CACNA2D1: variants seen among roughly 807,000 people sequenced by gnomAD.
CACNA2D1 encodes the protein calcium voltage-gated channel auxiliary subunit alpha2delta 1.
A neutral mutation model predicts 171.5 loss-of-function variants in CACNA2D1; 53 were observed. That is an observed-to-expected ratio of 0.31 (90% CI 0.25 to 0.39). The LOEUF (loss-of-function observed/expected upper bound fraction) is 0.39, where lower values mean the gene tolerates loss of function less well. Ranked by LOEUF, CACNA2D1 falls within the 10% of genes least tolerant of loss-of-function variation. The pLI is 1.00. For missense variants in CACNA2D1, 903 were observed against 1,299.8 expected, an observed-to-expected ratio of 0.69 and a Z score of 4.69; for synonymous variants, 442 against 443.1, an observed-to-expected ratio of 1.00 and a Z score of 0.03.
At chr7:82,313,257 G>A (rs1016164142) in intron 3 of CACNA2D1, among the ~76,000 whole-genome samples, 2 of 152,098 alleles carry the variant, frequency 1.3e-5, no homozygotes, top group South Asian at 2.1e-4. Context: ...TTTCAAGTGG[G>A]AGACTAAAGG....
In CACNA2D1 at chr7:82,012,254, G is replaced by GAAAAAAAAAA. The variant is rs4019047; in HGVS notation, c.1273-21_1273-12dup. On this transcript the variant is annotated splice_polypyrimidine_tract_variant and intron_variant, in intron 14 of 38. Coordinates refer to ENST00000356860, the MANE Select transcript of CACNA2D1 (RefSeq NM_000722.4). ...AACATCCAAATATTCCTGTTTATGG[G>GAAAAAAAAAA]AAAAAAAAAAAAAGTCGTGGTTAAA... is the stretch of plus-strand genomic sequence containing the variant. 8.2e-7 allele frequency: 1 copy of GAAAAAAAAAA among 1,223,358 alleles called. No individual in the cohort carries two copies. Among genetic ancestry groups the GAAAAAAAAAA allele is most frequent in the Non-Finnish European group, 1.2e-6 (1 of 854,938 alleles). 75.8% of individuals were successfully genotyped at this position (1,223,358 alleles called of 1,614,324 possible). A position where few individuals can be genotyped will look rare whatever the true frequency, so the allele number is the denominator to read the frequency against.
At chr7:82,094,058 T>C (rs996218105) in intron 6 of CACNA2D1, among the ~76,000 whole-genome samples, 6 of 152,084 alleles carry the variant, frequency 3.9e-5, no homozygotes, top group Admixed American at 3.3e-4. Context: ...AAGGGTGATA[T>C]TGTCAATGAG....
At chr7:82,350,776 T>C (rs1277760664) in intron 1 of CACNA2D1, among the ~76,000 whole-genome samples, 7 of 152,244 alleles carry the variant, frequency 4.6e-5, no homozygotes, top group Non-Finnish European at 7.3e-5. Context: ...TTGGAATTAC[T>C]AGATCCAAAT....
At chr7:82,040,605 T>C (rs1392022808) in intron 10 of CACNA2D1, among the ~76,000 whole-genome samples, 1 of 151,940 alleles carries the variant, frequency 6.6e-6, no homozygotes, top group African/African-American at 2.4e-5. Context: ...AATCAGGAGA[T>C]TGGACTGTTT....
intron 3 of CACNA2D1, among the ~76,000 whole-genome samples, chr7:82,222,778 C>A (rs1162405024): frequency 2.0e-5 from 3 of 151,774 alleles, no homozygotes; most frequent in South Asian, 2.1e-4. Flanking sequence ...TAGTACCTAC[C>A]ACATACTAGG....
At chr7:82,120,507 A>C (rs1789590298) in intron 5 of CACNA2D1, among the ~76,000 whole-genome samples, 2 of 152,184 alleles carry the variant, frequency 1.3e-5, no homozygotes, top group Non-Finnish European at 2.9e-5. Flanking sequence ...TGTTATATTT[A>C]AGGTGGACTT....
chr7:82,088,081 T>G (rs957931837), intron 6 of CACNA2D1, among the ~76,000 whole-genome samples: 2 of 152,144 alleles, frequency 1.3e-5, no homozygotes, highest in Admixed American at 1.3e-4. Flanking sequence ...TTTAGGAAGT[T>G]TTTTTTGTTT....
At chr7:82,157,457 T>C (rs1278396673) in intron 4 of CACNA2D1, among the ~76,000 whole-genome samples, 1 of 152,068 alleles carries the variant, frequency 6.6e-6, no homozygotes, top group Non-Finnish European at 1.5e-5. Flanking sequence ...AAATAAAGAC[T>C]TGTGAGACAG....
At chr7:82,269,279 T>A (rs935394534) in intron 3 of CACNA2D1, among the ~76,000 whole-genome samples, 2 of 152,128 alleles carry the variant, frequency 1.3e-5, no homozygotes, top group African/African-American at 4.8e-5. Context: ...TTTACAAAAA[T>A]ACCAATCTTA....
At chr7:82,116,931 T>C (rs930264189) in intron 6 of CACNA2D1, 113 bp downstream of exon 6, 13 of 1,166,884 alleles carry the variant, frequency 1.1e-5, no homozygotes, top group Admixed American at 1.7e-5. Flanking sequence ...CAGACTCTTA[T>C]ATGACAAACA....
At chr7:82,018,178 A>C (rs1800739876) in intron 12 of CACNA2D1, among the ~76,000 whole-genome samples, 2 of 152,228 alleles carry the variant, frequency 1.3e-5, no homozygotes, top group African/African-American at 2.4e-5. Flanking sequence ...GCTGGAGTAC[A>C]GGTCTTCAAC....
intron 7 of CACNA2D1, among the ~76,000 whole-genome samples, chr7:82,075,704 A>T (rs1310008732): frequency 1.3e-5 from 2 of 152,012 alleles, no homozygotes; most frequent in Admixed American, 1.3e-4. Context: ...GATTTCTTTA[A>T]AAGTTTATAT....
chr7:82,012,251 T>G lies in CACNA2D1; in HGVS notation c.1273-8A>C. ...CAAAACATCCAAATATTCCTGTTTA[T>G]GGGAAAAAAAAAAAAAGTCGTGGTT... On this transcript the variant is annotated splice_region_variant and splice_polypyrimidine_tract_variant and intron_variant, in intron 14 of 38. Coordinates refer to ENST00000356860, the MANE Select transcript of CACNA2D1 (RefSeq NM_000722.4). 7.2e-7 allele frequency: 1 copy of G among 1,384,668 alleles called. No homozygotes were observed. Among genetic ancestry groups the G allele is most frequent in the Non-Finnish European group, 9.9e-7 (1 of 1,014,924 alleles). The allele number at this position is 1,384,668 out of a possible 1,614,324, so 85.8% of individuals were successfully genotyped here. A position where few individuals can be genotyped will look rare whatever the true frequency, so the allele number is the denominator to read the frequency against.
intron 3 of CACNA2D1, among the ~76,000 whole-genome samples, chr7:82,183,412 G>A (rs34536191): frequency 0.25 from 38,081 of 151,926 alleles, 5,891 homozygotes; most frequent in Non-Finnish European, 0.34. Flanking sequence ...ATATCATCAA[G>A]TTTTCACTTC....
rs547283407 is a variant in CACNA2D1, at chr7:82,125,328, T to C, written c.397-8155A>G. 4.6e-5 allele frequency among the ~76,000 whole-genome samples: 7 copies of C among 152,344 alleles called. No individual in the cohort carries two copies. The South Asian group carries it at 1.4e-3, about 32-fold the overall frequency. ...AATAAGGCTTTGTAATGATCTGCTTTCTTTTTGCTTACTCTGGGAATTAAG... is the reference window on the plus strand; with the variant it reads ...AATAAGGCTTTGTAATGATCTGCTTCCTTTTTGCTTACTCTGGGAATTAAG... On this transcript the variant is annotated intron_variant, in intron 5 of 38. Transcript: ENST00000356860.
chr7:82,009,105 GTTA>G (rs1472789319), intron 15 of CACNA2D1: 1 of 152,076 alleles, frequency 6.6e-6, no homozygotes, highest in African/African-American at 2.4e-5. Flanking sequence ...TTTCCCCCAT[GTTA>G]TTCTCGTGAT....
At chr7:82,121,193 A>G (rs1789694091) in intron 5 of CACNA2D1, among the ~76,000 whole-genome samples, 1 of 152,082 alleles carries the variant, frequency 6.6e-6, no homozygotes, top group Admixed American at 6.6e-5. Flanking sequence ...CTGGGACTAC[A>G]GGTGCATTCC....
At chr7:82,038,886 C>A (rs778498156) in intron 10 of CACNA2D1, among the ~76,000 whole-genome samples, 8 of 152,074 alleles carry the variant, frequency 5.3e-5, no homozygotes, top group Non-Finnish European at 1.2e-4. Context: ...TCAACTCCAA[C>A]GATAACTGCC....
At chr7:82,099,713 T>G in intron 6 of CACNA2D1, among the ~76,000 whole-genome samples, 1 of 149,760 alleles carries the variant, frequency 6.7e-6, no homozygotes, top group Non-Finnish European at 1.5e-5. Flanking sequence ...CCTCCCAAAG[T>G]GCTGGGATTA....
Sources: allele counts gnomAD v4.1 joint callset (sites outside exome capture counted in the v4.1 genomes callset), GRCh38; gene constraint gnomAD v4.1.1; transcripts MANE v1.5; gene names NCBI Gene and HGNC (gene_info 2026-07-23, HGNC 2026-07-21).